The following MYSM1 variants were observed in gnomAD, a reference collection of about 807,000 sequenced individuals.
MYSM1 encodes the protein Myb like, SWIRM and MPN domains 1.
In MYSM1, 51 loss-of-function variants were observed where a neutral mutation model predicts 116.0. The ratio of observed to expected loss-of-function variants is 0.44; its 90% confidence interval spans 0.35 to 0.56. The LOEUF is 0.56. Among genes scored for constraint, MYSM1 ranks in the 20% least tolerant of loss-of-function variants. The pLI is 0.00. For missense variants in MYSM1, 900 were observed against 974.9 expected (o/e 0.92, Z 1.02); for synonymous variants, 313 against 315.2 (o/e 0.99, Z 0.07).
At chr1:58,692,838 TC>T in intron 3 of MYSM1, 22 bp downstream of exon 3, 1 of 1,577,282 alleles carries the variant, frequency 6.3e-7, no homozygotes, top group African/African-American at 1.4e-5. Context: ...ACCTGTACTT[TC>T]CTCATAATCA....
At position 58,654,932 on chromosome 1, in the gene MYSM1, A is replaced by G. The variant is rs931462361; in HGVS notation, c.*5065T>C. On this transcript the variant is annotated 3_prime_UTR_variant, in exon 20 of 20. Transcript: ENST00000472487. Reference sequence around the variant, plus strand: ...GTATTTACAACATTTTTAAATACAGACATATACAACATGGCATATTTAAAT... The same window carrying G: ...GTATTTACAACATTTTTAAATACAGGCATATACAACATGGCATATTTAAAT... The G allele has an allele frequency of 1.3e-5, 2 of 152,210 alleles. No individual in the cohort carries two copies. Among genetic ancestry groups the G allele is most frequent in the African/African-American group, 4.8e-5 (2 of 41,464 alleles). 9.4% of individuals were successfully genotyped at this position (152,210 alleles called of 1,614,324 possible). A position where few individuals can be genotyped will look rare whatever the true frequency, so the allele number is the denominator to read the frequency against.
chr1:58,661,345 T>G (rs562272243), intron 18 of MYSM1, 61 bp downstream of exon 18: 3 of 1,374,234 alleles, frequency 2.2e-6, no homozygotes, highest in South Asian at 2.4e-5. Context: ...GGGTTTTCTC[T>G]GAAACATAAT....
At chr1:58,671,832 G>A (rs1156418278) in intron 12 of MYSM1, 38 bp downstream of exon 12, 3 of 1,452,150 alleles carry the variant, frequency 2.1e-6, no homozygotes, top group Non-Finnish European at 2.9e-6. Flanking sequence ...AGCCATTTGT[G>A]ATAAATGTTT....
Position 58,695,114 on chromosome 1 carries a change from T to C in MYSM1, c.147+15A>G. 1 of 1,535,394 alleles carries C rather than the reference T, an allele frequency of 6.5e-7. No homozygotes were observed. Among genetic ancestry groups the C allele is most frequent in the Non-Finnish European group, 9.0e-7 (1 of 1,110,808 alleles). ...TAACAGCTTAATGCACCTGATATTT[T>C]TATAAAATACTTACAATAAGGCCAT... On this transcript the variant is annotated intron_variant, in intron 2 of 19. Coordinates refer to ENST00000472487, the MANE Select transcript of MYSM1 (RefSeq NM_001085487.3).
At chr1:58,693,069 T>A (rs1644925183) in intron 2 of MYSM1, 138 bp from the exon 3 acceptor site, 3 of 646,046 alleles carry the variant, frequency 4.6e-6, no homozygotes, top group Non-Finnish European at 2.6e-6. Flanking sequence ...ATATTTTTGA[T>A]TACCACAGTA....
At position 58,659,111 on chromosome 1, in the gene MYSM1, A is replaced by C. The variant is rs1411461910; in HGVS notation, c.*886T>G. ...CCATTATAGATTCAGAAAGCATATG[A>C]AACTGGGCTGAATATGTAACATGTC... is the stretch of plus-strand genomic sequence containing the variant. On this transcript the variant is annotated 3_prime_UTR_variant, in exon 20 of 20. Coordinates refer to ENST00000472487, the MANE Select transcript of MYSM1 (RefSeq NM_001085487.3). 3.1e-5 allele frequency: 4 copies of C among 130,180 alleles called. No homozygotes were observed. The highest frequency in any genetic ancestry group is 7.1e-5 in the Non-Finnish European group (4 of 56,358). The allele number at this position is 130,180 out of a possible 1,614,324, so 8.1% of individuals were successfully genotyped here.
intron 5 of MYSM1, 81 bp from the exon 6 acceptor site, chr1:58,689,197 C>T: frequency 9.8e-7 from 1 of 1,017,330 alleles, no homozygotes; most frequent in Non-Finnish European, 1.5e-6. Flanking sequence ...TTATAGATAG[C>T]CATGGGCTAA....
intron 6 of MYSM1, among the ~76,000 whole-genome samples, chr1:58,685,457 T>C (rs1644814826): frequency 6.6e-6 from 1 of 152,154 alleles, no homozygotes. Flanking sequence ...TGAAAACTGA[T>C]GGAAATGATT....
chr1:58,661,952 A>G (rs2100587631), intron 17 of MYSM1, among the ~76,000 whole-genome samples: 1 of 149,784 alleles, frequency 6.7e-6, no homozygotes, highest in Admixed American at 6.8e-5. Flanking sequence ...TAAGCTTACA[A>G]CAATGCTGTA....
chr1:58,680,106 A>G (rs1644716824), intron 8 of MYSM1, among the ~76,000 whole-genome samples: 1 of 152,016 alleles, frequency 6.6e-6, no homozygotes, highest in Non-Finnish European at 1.5e-5. Flanking sequence ...TTATGATTTC[A>G]AGGTCCTTAA....
intron 2 of MYSM1, among the ~76,000 whole-genome samples, chr1:58,694,539 T>G (rs879491248): frequency 3.3e-5 from 5 of 151,632 alleles, no homozygotes; most frequent in African/African-American, 1.2e-4. Context: ...GAGAATCACT[T>G]GAATGTGGGA....
chr1:58,673,764 T>G (rs910342570), intron 10 of MYSM1, 114 bp from the exon 11 acceptor site: 13 of 857,778 alleles, frequency 1.5e-5, no homozygotes, highest in Non-Finnish European at 2.4e-5. Context: ...AATCTATCAA[T>G]TTAAATAGTA....
rs374389099 is a variant in MYSM1, at chr1:58,698,084, C to CTATATATATA, written c.68+1891_68+1900dup. Among the ~76,000 whole-genome samples, 150 of 31,276 alleles carry CTATATATATA rather than the reference C, an allele frequency of 4.8e-3. 32 individuals are homozygous for CTATATATATA. The highest frequency in any genetic ancestry group is 7.7e-3 in the Admixed American group (17 of 2,196). The allele number at this position is 31,276 out of a possible 152,430, so 20.5% of individuals were successfully genotyped here. On this transcript the variant is annotated intron_variant, in intron 1 of 19. Transcript: ENST00000472487. ...ACACCACTGGACACTATTTATCAGA[C>CTATATATATA]TATATATATATATATATATTTTTTT...
At chr1:58,692,100 T>C (rs748369363) in intron 3 of MYSM1, among the ~76,000 whole-genome samples, 6 of 152,174 alleles carry the variant, frequency 3.9e-5, no homozygotes, top group Admixed American at 3.3e-4. Flanking sequence ...ATAACTGCAA[T>C]GTCTGGGGAG....
At chr1:58,678,612 T>A (rs1172691686) in intron 8 of MYSM1, among the ~76,000 whole-genome samples, 1 of 152,162 alleles carries the variant, frequency 6.6e-6, no homozygotes, top group Non-Finnish European at 1.5e-5. Context: ...GCCTGCATTA[T>A]CATGGGGGTT....
chr1:58,667,508 G>A (rs1644492119), intron 15 of MYSM1, among the ~76,000 whole-genome samples: 1 of 152,136 alleles, frequency 6.6e-6, no homozygotes, highest in African/African-American at 2.4e-5. Flanking sequence ...AATGACTCCT[G>A]TTACTTATGA....
intron 12 of MYSM1, 22 bp downstream of exon 12, chr1:58,671,848 C>T (rs986217049): frequency 1.0e-5 from 16 of 1,567,664 alleles, no homozygotes; most frequent in African/African-American, 1.4e-5. Context: ...TGTTTAAAAA[C>T]CACATTTATA....
intron 1 of MYSM1, among the ~76,000 whole-genome samples, chr1:58,696,168 C>T (rs1342816580): frequency 6.6e-6 from 1 of 152,076 alleles, no homozygotes; most frequent in Non-Finnish European, 1.5e-5. Context: ...GAAGAGGCTA[C>T]CAGGAAGGGT....
In MYSM1 at chr1:58,686,886, C is replaced by T. The variant is rs1226704330; in HGVS notation, c.400-1635G>A. Among the ~76,000 whole-genome samples the T allele has an allele frequency of 2.0e-5, 3 of 151,394 alleles. 1 individual carries two copies. The East Asian group carries it at 5.8e-4, about 30-fold the overall frequency. On this transcript the variant is annotated intron_variant, in intron 6 of 19. Transcript: ENST00000472487. Reference sequence around the variant, plus strand: ...CAGTGGCACATGTATGTGGTCCTAGCTACTCAGGAGACTGAGGCAAGGGGA... The same window carrying T: ...CAGTGGCACATGTATGTGGTCCTAGTTACTCAGGAGACTGAGGCAAGGGGA...
Sources: gnomAD v4.1 joint callset for allele counts (sites outside exome capture counted in the v4.1 genomes callset) on GRCh38, gnomAD v4.1.1 for gene constraint, MANE v1.5 for transcripts, NCBI Gene and HGNC (gene_info 2026-07-23, HGNC 2026-07-21) for gene names.